Variants in FMNL3 observed in about 807,000 individuals in gnomAD.
FMNL3 encodes the protein formin like 3, also known as formin-like protein 3.
In FMNL3, 57 loss-of-function variants were observed where a neutral mutation model predicts 119.6. The observed-to-expected ratio is 0.48, with a 90% CI of 0.39 to 0.59. FMNL3 has a LOEUF of 0.59. Among genes scored for constraint, FMNL3 ranks in the 20% least tolerant of loss-of-function variants. The pLI, the probability that FMNL3 is intolerant of heterozygous loss-of-function variation, is 0.00. For synonymous variants in FMNL3, 491 were observed against 507.3 expected, an observed-to-expected ratio of 0.97 and a Z score of 0.43; for missense variants, 1,053 against 1,323.5, an observed-to-expected ratio of 0.80 and a Z score of 3.17.
At position 49,641,852 on chromosome 12, in the gene FMNL3, C is replaced by T; in HGVS notation, c.*3963G>A. On this transcript the variant is annotated 3_prime_UTR_variant, in exon 26 of 26. Transcript: ENST00000335154. The stretch of plus-strand genomic sequence containing the variant: ...ATCTGTAATGTGACCACTCTGCCTG[C>T]CAGCTTTGGCCTCAGGCACGTGGTG... 1.4e-6 allele frequency: 2 copies of T among 1,462,288 alleles called. No homozygotes were observed. The highest frequency in any genetic ancestry group is 1.9e-6 in the Non-Finnish European group (2 of 1,047,380). The allele number at this position is 1,462,288 out of a possible 1,614,324, so 90.6% of individuals were successfully genotyped here. A position where few individuals can be genotyped will look rare whatever the true frequency, so the allele number is the denominator to read the frequency against.
At position 49,681,359 on chromosome 12, in the gene FMNL3, T is replaced by A. The variant is rs1246997670; in HGVS notation, c.127-12805A>T. Among the ~76,000 whole-genome samples the A allele has an allele frequency of 2.6e-5, 4 of 151,994 alleles. No individual in the cohort carries two copies. The East Asian group carries it at 7.7e-4, about 29-fold the overall frequency. On this transcript the variant is annotated intron_variant, in intron 1 of 25. Transcript: ENST00000335154. ...TGGGACTACAGATGCCTGCCACCAC[T>A]CCCAGCTAAGTTTTTGTATTTTTAG...
rs1943258386 is a variant in FMNL3 at position 49,647,862 on chromosome 12, C to T, written c.2677-58G>A. The T allele has an allele frequency of 7.3e-7, 1 of 1,361,470 alleles. No individual in the cohort carries two copies. Among genetic ancestry groups the T allele is most frequent in the Non-Finnish European group, 1.0e-6 (1 of 954,726 alleles). The allele number at this position is 1,361,470 out of a possible 1,614,324, so 84.3% of individuals were successfully genotyped here. On this transcript the variant is annotated intron_variant, in intron 22 of 25. Transcript: ENST00000335154. This position sits in a 1 kb window ranked among gnomAD's most constrained non-coding sequence, Gnocchi z 4.9. ...GGCAGGAAGATCAGCCCAGCTCCCACACCACGGATGAGAGGCCTGCAGAAA... is the reference window on the plus strand; with the variant it reads ...GGCAGGAAGATCAGCCCAGCTCCCATACCACGGATGAGAGGCCTGCAGAAA...
chr12:49,696,372 A>T (rs1161023723), intron 1 of FMNL3, among the ~76,000 whole-genome samples: 1 of 152,158 alleles, frequency 6.6e-6, no homozygotes, highest in Non-Finnish European at 1.5e-5. Flanking sequence ...CATGTGTATG[A>T]AAAAGTCTGC....
At chr12:49,672,697 C>G (rs983764345) in intron 1 of FMNL3, among the ~76,000 whole-genome samples, 1 of 152,216 alleles carries the variant, frequency 6.6e-6, no homozygotes, top group Non-Finnish European at 1.5e-5. Context: ...TCTGCACCCC[C>G]AGCCCAGTGA....
At chr12:49,662,643 A>T (rs951440069) in intron 4 of FMNL3, among the ~76,000 whole-genome samples, 1 of 152,224 alleles carries the variant, frequency 6.6e-6, no homozygotes, top group Non-Finnish European at 1.5e-5. Context: ...GCAGAACCAG[A>T]AAAAGCATGG....
chr12:49,688,400 C>T, intron 1 of FMNL3: 1 of 456,052 alleles, frequency 2.2e-6, no homozygotes, highest in South Asian at 1.5e-5. Flanking sequence ...TTCCAAACTC[C>T]TTACCAAGGC....
At chr12:49,656,956 C>T in intron 7 of FMNL3, 57 bp from the exon 8 acceptor site, 1 of 1,545,920 alleles carries the variant, frequency 6.5e-7, no homozygotes, top group Non-Finnish European at 8.9e-7. Context: ...GGGAGCCCAG[C>T]CAATCTCCTT....
At chr12:49,654,137 T>TA in intron 11 of FMNL3, 55 bp downstream of exon 11, 4 of 1,506,912 alleles carry the variant, frequency 2.7e-6, no homozygotes, top group Non-Finnish European at 3.7e-6. Flanking sequence ...TCATTTGTGA[T>TA]ACGGCTAAAC....
Position 49,692,901 on chromosome 12 carries a change from G to C in FMNL3, c.126+14154C>G, listed in dbSNP as rs1359570610. Reference sequence around the variant, plus strand: ...AAATTGAGACCTAAAGTATAAACTAGAAAGAGTCGTTTTAACATCCAGGCA... The same window carrying C: ...AAATTGAGACCTAAAGTATAAACTACAAAGAGTCGTTTTAACATCCAGGCA... On this transcript the variant is annotated intron_variant, in intron 1 of 25. Transcript: ENST00000335154. Among the ~76,000 whole-genome samples, 5 of 152,282 alleles carry C rather than the reference G, an allele frequency of 3.3e-5. No individual in the cohort carries two copies. The East Asian group carries it at 9.6e-4, about 29-fold the overall frequency.
intron 1 of FMNL3, among the ~76,000 whole-genome samples, chr12:49,689,915 G>C (rs182699242): frequency 3.1e-4 from 47 of 152,168 alleles, no homozygotes; most frequent in African/African-American, 1.1e-3. Context: ...CTGATCTACA[G>C]CTGATTAAAG....
At chr12:49,704,613 AAGC>A (rs1381969971) in intron 1 of FMNL3, among the ~76,000 whole-genome samples, 1 of 151,478 alleles carries the variant, frequency 6.6e-6, no homozygotes, top group Non-Finnish European at 1.5e-5. Context: ...GGGGAGGCTG[AAGC>A]AGGAGAACTG....
chr12:49,647,610 G>T lies in FMNL3; in HGVS notation c.2778+93C>A, dbSNP rs539085196. ...GCTCCCTTCCCAGGACTCGGAGGAGGAGTCGGAAAAGGCCCATACTTTAAG... is the reference window on the plus strand; with the variant it reads ...GCTCCCTTCCCAGGACTCGGAGGAGTAGTCGGAAAAGGCCCATACTTTAAG... On this transcript the variant is annotated intron_variant, in intron 23 of 25. Coordinates refer to ENST00000335154, the MANE Select transcript of FMNL3 (RefSeq NM_175736.5). The surrounding 1 kb of genome is among the most constrained non-coding windows in gnomAD (Gnocchi z 4.9). The T allele has an allele frequency of 2.6e-6, 3 of 1,156,360 alleles. No individual in the cohort carries two copies. The highest frequency in any genetic ancestry group is 3.8e-6 in the Non-Finnish European group (3 of 782,948). The allele number at this position is 1,156,360 out of a possible 1,614,324, so 71.6% of individuals were successfully genotyped here. A position where few individuals can be genotyped will look rare whatever the true frequency, so the allele number is the denominator to read the frequency against.
At chr12:49,687,277 A>G (rs1371593048) in intron 1 of FMNL3, among the ~76,000 whole-genome samples, 2 of 151,038 alleles carry the variant, frequency 1.3e-5, no homozygotes, top group African/African-American at 2.4e-5. Flanking sequence ...TATTTTTAGT[A>G]GAGACAAGGT....
intron 1 of FMNL3, among the ~76,000 whole-genome samples, chr12:49,693,634 TG>T (rs747321173): frequency 0.35 from 24,642 of 69,716 alleles, 11,524 homozygotes; most frequent in Non-Finnish European, 0.43. Flanking sequence ...CTCCCAATCT[TG>T]GTTTTTTTTT....
In FMNL3 at chr12:49,644,404, G is replaced by T. The variant is rs1339381583; in HGVS notation, c.*1411C>A. The T allele has an allele frequency of 5.1e-6, 3 of 588,376 alleles. No homozygotes were observed. The highest frequency in any genetic ancestry group is 9.1e-6 in the Non-Finnish European group (3 of 328,158). 36.4% of individuals were successfully genotyped at this position (588,376 alleles called of 1,614,324 possible). On this transcript the variant is annotated 3_prime_UTR_variant, in exon 26 of 26. Transcript: ENST00000335154. ...TGGACTAGTGCAGTCCTTGCCCTCA[G>T]CCCCAGACCAGAGATGGGTGGTATA... is the stretch of plus-strand genomic sequence containing the variant.
At chr12:49,686,873 T>G (rs1944477108) in intron 1 of FMNL3, among the ~76,000 whole-genome samples, 1 of 152,104 alleles carries the variant, frequency 6.6e-6, no homozygotes, top group South Asian at 2.1e-4. Flanking sequence ...AACCACAGGC[T>G]CTGACTGGGG....
chr12:49,646,604 G>A lies in FMNL3; in HGVS notation c.2995+282C>T, dbSNP rs953305880. 20 of 1,439,184 alleles carry A rather than the reference G, an allele frequency of 1.4e-5. 1 individual carries two copies. Among genetic ancestry groups the A allele is most frequent in the Middle Eastern group, 1.9e-4 (1 of 5,300 alleles). The allele number at this position is 1,439,184 out of a possible 1,614,324, so 89.2% of individuals were successfully genotyped here. On this transcript the variant is annotated intron_variant, in intron 25 of 25. Coordinates refer to ENST00000335154, the MANE Select transcript of FMNL3 (RefSeq NM_175736.5). ...TCTCCCAGCAGGAATCCTGGGAGACGGGCATGCAGAGGGGGCAGCTGCGGT... is the reference window on the plus strand; with the variant it reads ...TCTCCCAGCAGGAATCCTGGGAGACAGGCATGCAGAGGGGGCAGCTGCGGT...
At chr12:49,665,570 T>C (rs1219961324) in intron 4 of FMNL3, among the ~76,000 whole-genome samples, 3 of 152,048 alleles carry the variant, frequency 2.0e-5, no homozygotes, top group Non-Finnish European at 2.9e-5. Context: ...TGTCTTCCAC[T>C]CAAAGCCACA....
intron 1 of FMNL3, among the ~76,000 whole-genome samples, chr12:49,696,152 A>G (rs1235316638): frequency 6.6e-6 from 1 of 152,238 alleles, no homozygotes; most frequent in Non-Finnish European, 1.5e-5. Context: ...AAAATTATAT[A>G]GTAATTGCAT....
Sources: gnomAD v4.1 joint callset for allele counts (sites outside exome capture counted in the v4.1 genomes callset) on GRCh38, gnomAD v4.1.1 for gene constraint, Gnocchi (gnomAD v3.1) non-coding constraint, MANE v1.5 for transcripts, NCBI Gene and HGNC (gene_info 2026-07-23, HGNC 2026-07-21) for gene names.